Variants in MDN1 observed in about 807,000 individuals in gnomAD.
The protein encoded by MDN1 is midasin AAA ATPase 1.
In MDN1, 266 loss-of-function variants were observed where a neutral mutation model predicts 669.2. The ratio of observed to expected loss-of-function variants is 0.40; its 90% CI spans 0.36 to 0.44. The LOEUF is 0.44. MDN1 is among the 20% of genes least tolerant of loss of function. The pLI is 1.00. For synonymous variants in MDN1, 2,385 were observed against 2,457.1 expected (o/e 0.97, Z 0.87); for missense variants, 5,940 against 6,754.0 (o/e 0.88, Z 4.22).
rs1420614629 is a variant in MDN1, at chr6:89,662,772, G to C, written c.14412+20C>G. On this transcript the variant is annotated intron_variant, in intron 86 of 101. Transcript: ENST00000369393. ...TACCTCCTCTCAGCTTGTTTGGGAG[G>C]GGAGAAATCTTTGAATTACCTCATC... The C allele has an allele frequency of 2.5e-6, 4 of 1,612,808 alleles. No individual in the cohort carries two copies. Among genetic ancestry groups the C allele is most frequent in the Non-Finnish European group, 3.4e-6 (4 of 1,179,158 alleles).
chr6:89,815,274 G>A, intron 1 of MDN1: 1 of 457,754 alleles, frequency 2.2e-6, no homozygotes, highest in Non-Finnish European at 4.3e-6. Context: ...ATCTGATAGT[G>A]ACCTAGCACC....
chr6:89,816,198 G>A (rs985959071), intron 1 of MDN1, among the ~76,000 whole-genome samples: 17 of 151,776 alleles, frequency 1.1e-4, no homozygotes, highest in Middle Eastern at 3.2e-3. Flanking sequence ...TCAGGAGTTC[G>A]AGACCAGCCT....
chr6:89,749,192 T>TA, intron 26 of MDN1, 31 bp downstream of exon 26: 1 of 1,590,964 alleles, frequency 6.3e-7, no homozygotes. Flanking sequence ...TCACCAAGTA[T>TA]AATCAATACA....
At position 89,690,804 on chromosome 6, in the gene MDN1, G is replaced by T; in HGVS notation, c.10618C>A (p.Arg3540Ser). 6.2e-7 allele frequency: 1 copy of T among 1,614,042 alleles called. No individual in the cohort carries two copies. The highest frequency in any genetic ancestry group is 8.5e-7 in the Non-Finnish European group (1 of 1,179,994). The change falls in exon 64 of 102, where the codon CGC becomes AGC. Residue 3540 changes from arginine (R) to serine (S), a missense_variant. Coordinates refer to ENST00000369393, the MANE Select transcript of MDN1 (RefSeq NM_014611.3). Reference protein sequence around the residue: ...EIISEWDEQERIAQEKAEQES... With the variant: ...EIISEWDEQESIAQEKAEQES... ...TGCTCAGCCTTCTCTTGGGCTATGCGTTCCTGCTCATCCCACTCACTGATG... is the reference window on the plus strand; with the variant it reads ...TGCTCAGCCTTCTCTTGGGCTATGCTTTCCTGCTCATCCCACTCACTGATG...
At chr6:89,722,623 T>A (rs1227632260) in intron 40 of MDN1, among the ~76,000 whole-genome samples, 1 of 152,068 alleles carries the variant, frequency 6.6e-6, no homozygotes, top group Non-Finnish European at 1.5e-5. Context: ...CTGAGACAGG[T>A]GGATCATCTG....
At chr6:89,648,892 G>A (rs907920898) in intron 97 of MDN1, among the ~76,000 whole-genome samples, 11 of 151,614 alleles carry the variant, frequency 7.3e-5, no homozygotes, top group Non-Finnish European at 5.9e-5. Flanking sequence ...GCTGAAGTGG[G>A]AGGACTGTAC....
chr6:89,706,139 AAGC>A lies in MDN1; in HGVS notation c.8065_8067del (p.Ala2689del). On this transcript the variant is annotated inframe_deletion, in exon 53 of 102. Transcript: ENST00000369393. ...ACTAGTGCATCACAAAGTTCAAAAA[AAGC>A]AGCAAGATTGACCACAATTTCATGG... 1 of 1,613,596 alleles carries A rather than the reference AAGC, an allele frequency of 6.2e-7. No homozygotes were observed. Among genetic ancestry groups the A allele is most frequent in the South Asian group, 1.1e-5 (1 of 90,994 alleles).
chr6:89,699,580 A>ATT, intron 58 of MDN1, 21 bp downstream of exon 58: 2 of 1,604,154 alleles, frequency 1.2e-6, no homozygotes, highest in Non-Finnish European at 1.7e-6. Context: ...AAGGAGGCTT[A>ATT]TGTCTTATTG....
At chr6:89,810,158 G>A (rs981814972) in intron 1 of MDN1, among the ~76,000 whole-genome samples, 24 of 151,870 alleles carry the variant, frequency 1.6e-4, no homozygotes, top group Admixed American at 3.9e-4. Context: ...AAACAAGGCC[G>A]GGTATAGTGG....
chr6:89,675,693 G>T, intron 77 of MDN1, 114 bp from the exon 78 acceptor site: 1 of 763,522 alleles, frequency 1.3e-6, no homozygotes, highest in Non-Finnish European at 2.1e-6. Context: ...CTCTAGAGGT[G>T]ACATATTCAT....
At chr6:89,721,739 G>T (rs1814835123) in intron 40 of MDN1, among the ~76,000 whole-genome samples, 1 of 151,926 alleles carries the variant, frequency 6.6e-6, no homozygotes, top group East Asian at 1.9e-4. Context: ...ACCGCCTGAT[G>T]GAGTCTCATG....
At position 89,680,725 on chromosome 6, in the gene MDN1, G is replaced by C. The variant is rs1428246318; in HGVS notation, c.12129C>G (p.Gly4043=). Residue 4043 remains glycine, a synonymous_variant, in exon 74 of 102, where the codon GGC becomes GGG. Transcript: ENST00000369393. The part of the protein sequence containing the change: ...GQATIPEWCQ[G]AAPSGLEGEL... ...CCCCTTCCAAGCCGGAAGGAGCAGCGCCCTGACACCACTCTGGAATTGTGG... is the reference window on the plus strand; with the variant it reads ...CCCCTTCCAAGCCGGAAGGAGCAGCCCCCTGACACCACTCTGGAATTGTGG... 9 of 1,613,966 alleles carry C rather than the reference G, an allele frequency of 5.6e-6. No homozygotes were observed. The Admixed American group carries it at 1.5e-4, about 27-fold the overall frequency.
chr6:89,699,393 A>G (rs112676851), intron 58 of MDN1, among the ~76,000 whole-genome samples: 110 of 152,348 alleles, frequency 7.2e-4, no homozygotes, highest in African/African-American at 2.3e-3. Context: ...AACCAAATGA[A>G]TACTCCTGTG....
intron 8 of MDN1, 53 bp from the exon 9 acceptor site, chr6:89,785,179 G>A: frequency 8.3e-7 from 1 of 1,206,934 alleles, no homozygotes; most frequent in Non-Finnish European, 1.2e-6. Context: ...TTTTAATCCT[G>A]AATTGTGCCT....
intron 38 of MDN1, 54 bp from the exon 39 acceptor site, chr6:89,723,673 C>G (rs1333823288): frequency 1.0e-6 from 1 of 971,354 alleles, no homozygotes; most frequent in African/African-American, 1.7e-5. Context: ...TTACCAAACA[C>G]TAGAAATGAC....
chr6:89,692,335 A>G, intron 63 of MDN1, 108 bp downstream of exon 63: 1 of 977,848 alleles, frequency 1.0e-6, no homozygotes, highest in Admixed American at 2.9e-5. Context: ...CCACGCCCCA[A>G]CGACACTGTG....
chr6:89,741,746 T>C (rs377031226), intron 31 of MDN1, among the ~76,000 whole-genome samples: 2 of 152,256 alleles, frequency 1.3e-5, no homozygotes, highest in South Asian at 4.1e-4. Context: ...GGCAAAAAGA[T>C]AGCTCAACTT....
At chr6:89,791,533 C>T (rs934663478) in intron 5 of MDN1, among the ~76,000 whole-genome samples, 5 of 152,070 alleles carry the variant, frequency 3.3e-5, no homozygotes, top group Non-Finnish European at 5.9e-5. Flanking sequence ...TTATTGAATA[C>T]CCAGGTCTAT....
At chr6:89,682,682 T>C (rs1464965714) in intron 73 of MDN1, among the ~76,000 whole-genome samples, 1 of 126,992 alleles carries the variant, frequency 7.9e-6, no homozygotes, top group African/African-American at 3.0e-5. Context: ...CACTCCAGCC[T>C]GAGCGAGACT....
Sources: gnomAD v4.1 joint callset for allele counts (sites outside exome capture counted in the v4.1 genomes callset) on GRCh38, gnomAD v4.1.1 for gene constraint, MANE v1.5 for transcripts, NCBI Gene and HGNC (gene_info 2026-07-23, HGNC 2026-07-21) for gene names.